The following FAF1 variants were observed in gnomAD, a reference collection of about 807,000 sequenced individuals.
FAF1 encodes FAS-associated factor 1.
A neutral mutation model predicts 92.5 loss-of-function variants in FAF1; 25 were observed. The ratio of observed to expected loss-of-function variants is 0.27; its 90% CI spans 0.20 to 0.38. The LOEUF is 0.38. Ranked by LOEUF, FAF1 falls within the 10% of genes least tolerant of loss-of-function variation. FAF1 has a pLI of 1.00. For missense variants in FAF1, 636 were observed against 793.3 expected (o/e 0.80, Z 2.38); for synonymous variants, 234 against 273.2 (o/e 0.86, Z 1.42).
intron 9 of FAF1, among the ~76,000 whole-genome samples, chr1:50,587,321 T>C (rs1266299615): frequency 2.0e-5 from 3 of 152,298 alleles, no homozygotes; most frequent in Middle Eastern, 3.4e-3. Context: ...CAAAATCCTA[T>C]AACCACAACA....
intron 4 of FAF1, among the ~76,000 whole-genome samples, chr1:50,770,914 C>T (rs1308746959): frequency 6.6e-6 from 1 of 152,118 alleles, no homozygotes; most frequent in East Asian, 1.9e-4. Flanking sequence ...AAAACAGACA[C>T]ACAGACTCAT....
intron 1 of FAF1, among the ~76,000 whole-genome samples, chr1:50,884,515 C>CT (rs1051141939): frequency 1.4e-5 from 2 of 144,850 alleles, no homozygotes; most frequent in African/African-American, 5.2e-5. Flanking sequence ...GAGTGAGACT[C>CT]TGTCTCAAAA....
At chr1:50,786,418 GAAGA>G (rs1272494902) in intron 4 of FAF1, among the ~76,000 whole-genome samples, 2 of 152,198 alleles carry the variant, frequency 1.3e-5, no homozygotes, top group African/African-American at 4.8e-5. Context: ...TACAGAAACA[GAAGA>G]TAGAATGGCA....
chr1:50,774,498 C>A lies in FAF1; in HGVS notation c.367+13502G>T, dbSNP rs372607831. ...ACCTGCTAAATGTTTTAAATCTTTC[C>A]ATATTCAACCTGAGTTCTTAAAAAC... is the stretch of plus-strand genomic sequence containing the variant. On this transcript the variant is annotated intron_variant, in intron 4 of 18. Coordinates refer to ENST00000396153, the MANE Select transcript of FAF1 (RefSeq NM_007051.3). Among the ~76,000 whole-genome samples the A allele has an allele frequency of 7.2e-5, 11 of 152,208 alleles. 1 individual carries two copies. Among genetic ancestry groups the A allele is most frequent in the African/African-American group, 2.6e-4 (11 of 41,550 alleles).
In FAF1 at chr1:50,672,700, T is replaced by G. The variant is rs75947091; in HGVS notation, c.658-17172A>C. 4.6e-4 allele frequency among the ~76,000 whole-genome samples: 70 copies of G among 152,350 alleles called. 1 individual carries two copies. The highest frequency in any genetic ancestry group is 1.6e-3 in the African/African-American group (66 of 41,588). ...ACATAAAAACAGACTATTGATAAAC[T>G]AGATACTTACATGCTTCACTTCATT... On this transcript the variant is annotated intron_variant, in intron 7 of 18. Transcript: ENST00000396153.
At chr1:50,481,622 C>A (rs1158439934) in intron 17 of FAF1, among the ~76,000 whole-genome samples, 1 of 152,094 alleles carries the variant, frequency 6.6e-6, no homozygotes, top group Non-Finnish European at 1.5e-5. Flanking sequence ...ACACATTTTC[C>A]CATCCTTAGG....
At chr1:50,600,076 A>G (rs959710171) in intron 8 of FAF1, among the ~76,000 whole-genome samples, 2 of 152,168 alleles carry the variant, frequency 1.3e-5, no homozygotes, top group Non-Finnish European at 2.9e-5. Context: ...ATTTTCTCCA[A>G]AATGAATGAA....
chr1:50,774,797 A>G (rs1660896965), intron 4 of FAF1, among the ~76,000 whole-genome samples: 1 of 152,144 alleles, frequency 6.6e-6, no homozygotes, highest in Non-Finnish European at 1.5e-5. Flanking sequence ...AGAGATCACA[A>G]TACTTCACAT....
chr1:50,865,146 T>A (rs1037608322), intron 1 of FAF1, among the ~76,000 whole-genome samples: 2 of 152,118 alleles, frequency 1.3e-5, no homozygotes, highest in African/African-American at 4.8e-5. Context: ...AGTTACCATC[T>A]CACACCAGTT....
At chr1:50,741,360 A>G (rs536068487) in intron 5 of FAF1, among the ~76,000 whole-genome samples, 2 of 152,384 alleles carry the variant, frequency 1.3e-5, no homozygotes, top group South Asian at 4.1e-4. Flanking sequence ...AAGTGAGAGT[A>G]AGAAAGGCTC....
chr1:50,849,261 C>T (rs1054173294), intron 2 of FAF1, among the ~76,000 whole-genome samples: 7 of 145,938 alleles, frequency 4.8e-5, no homozygotes, highest in East Asian at 2.0e-4. Context: ...AGTGAGACTC[C>T]GTCTCAAAAA....
At chr1:50,614,784 A>G (rs1268964894) in intron 8 of FAF1, among the ~76,000 whole-genome samples, 3 of 149,142 alleles carry the variant, frequency 2.0e-5, no homozygotes, top group Non-Finnish European at 4.4e-5. Context: ...GGTTGCAGTG[A>G]GCCGAGATCG....
intron 4 of FAF1, among the ~76,000 whole-genome samples, chr1:50,761,259 A>G (rs972453442): frequency 6.6e-6 from 1 of 152,238 alleles, no homozygotes; most frequent in African/African-American, 2.4e-5. Flanking sequence ...TACCAGAGGT[A>G]TAAGGAGGAA....
At chr1:50,945,250 G>A (rs1645164847) in intron 1 of FAF1, among the ~76,000 whole-genome samples, 2 of 152,170 alleles carry the variant, frequency 1.3e-5, no homozygotes, top group Admixed American at 6.5e-5. Flanking sequence ...GGGTCACGAT[G>A]GCGTGGCCAG....
intron 1 of FAF1, among the ~76,000 whole-genome samples, chr1:50,910,820 T>C (rs1644879508): frequency 6.6e-6 from 1 of 151,994 alleles, no homozygotes; most frequent in Admixed American, 6.6e-5. Flanking sequence ...CCCCAACCCC[T>C]TGTGCTTCCC....
chr1:50,515,789 C>T (rs141708243), intron 15 of FAF1, among the ~76,000 whole-genome samples: 1 of 152,030 alleles, frequency 6.6e-6, no homozygotes, highest in African/African-American at 2.4e-5. Context: ...CTTCTCCCTC[C>T]TCACTTCTGT....
chr1:50,586,684 G>C (rs866454508), intron 9 of FAF1, among the ~76,000 whole-genome samples: 1 of 152,204 alleles, frequency 6.6e-6, no homozygotes, highest in East Asian at 1.9e-4. Flanking sequence ...AGATCTCCTG[G>C]TTTAAGCTAG....
At chr1:50,929,398 C>T (rs928546826) in intron 1 of FAF1, among the ~76,000 whole-genome samples, 1 of 152,088 alleles carries the variant, frequency 6.6e-6, no homozygotes, top group Admixed American at 6.6e-5. Context: ...AGAATTAATG[C>T]ATGTTTTATG....
At chr1:50,766,833 A>C (rs1176724224) in intron 4 of FAF1, among the ~76,000 whole-genome samples, 1 of 150,500 alleles carries the variant, frequency 6.6e-6, no homozygotes, top group African/African-American at 2.4e-5. Flanking sequence ...AAAAGACAGC[A>C]ACTTCAAAGA....
Sources: gnomAD v4.1 joint callset for allele counts (sites outside exome capture counted in the v4.1 genomes callset) on GRCh38, gnomAD v4.1.1 for gene constraint, MANE v1.5 for transcripts, NCBI Gene and HGNC (gene_info 2026-07-23, HGNC 2026-07-21) for gene names.